Variants in GLO1 observed in about 807,000 individuals in gnomAD.
GLO1 encodes lactoylglutathione lyase.
Under a neutral mutation model 26.0 loss-of-function variants are expected in GLO1, and 28 were observed. That is an observed-to-expected ratio of 1.08 (90% CI 0.80 to 1.48). The LOEUF is 1.48. GLO1 is among the 40% of genes most tolerant of loss of function. The pLI is 0.00. For synonymous variants in GLO1, 78 were observed against 77.6 expected (o/e 1.00, Z -0.03); for missense variants, 225 against 224.8 (o/e 1.00, Z -0.01).
At chr6:38,693,658 GCT>G (rs71543936) in intron 1 of GLO1, among the ~76,000 whole-genome samples, 1,587 of 127,496 alleles carry the variant, frequency 0.012, 31 homozygotes, top group African/African-American at 0.037. Context: ...TTTTCATTCA[GCT>G]CTCTCTCTCT....
intron 3 of GLO1, 123 bp from the exon 4 acceptor site, chr6:38,682,998 T>C (rs1761405092): frequency 1.6e-6 from 1 of 621,346 alleles, no homozygotes; most frequent in Non-Finnish European, 2.9e-6. Flanking sequence ...TAACCCCTGC[T>C]ACAAAAATAT....
At chr6:38,681,987 T>C in intron 5 of GLO1, 25 bp downstream of exon 5, 1 of 1,169,072 alleles carries the variant, frequency 8.6e-7, no homozygotes. Flanking sequence ...AAGACAGGCC[T>C]GAACACAGTA....
At chr6:38,679,219 A>G (rs1761327660) in intron 5 of GLO1, among the ~76,000 whole-genome samples, 1 of 152,078 alleles carries the variant, frequency 6.6e-6, no homozygotes, top group South Asian at 2.1e-4. Flanking sequence ...TCCTGGGCCC[A>G]AGCAATCCTC....
chr6:38,700,993 G>A (rs1761689341), intron 1 of GLO1, among the ~76,000 whole-genome samples: 1 of 152,090 alleles, frequency 6.6e-6, no homozygotes, highest in Non-Finnish European at 1.5e-5. Flanking sequence ...TGGCCAGGCT[G>A]GTCTCGAACT....
Position 38,676,462 on chromosome 6 carries a change from A to G in GLO1, c.*833T>C, listed in dbSNP as rs1421204816. ...ATGGTCAAACTCACTGAAGGTTTTT[A>G]CAACAGGAAACCAGTGGAGGTATTG... On this transcript the variant is annotated 3_prime_UTR_variant, in exon 6 of 6. Coordinates refer to ENST00000373365, the MANE Select transcript of GLO1 (RefSeq NM_006708.3). 6.6e-6 allele frequency: 1 copy of G among 152,246 alleles called. No homozygotes were observed. The highest frequency in any genetic ancestry group is 2.4e-5 in the African/African-American group (1 of 41,460). The allele number at this position is 152,246 out of a possible 1,614,324, so 9.4% of individuals were successfully genotyped here.
chr6:38,692,981 T>A (rs1761553263), intron 1 of GLO1, among the ~76,000 whole-genome samples: 1 of 151,960 alleles, frequency 6.6e-6, no homozygotes, highest in Non-Finnish European at 1.5e-5. Flanking sequence ...GAGATATTGG[T>A]CTGTAGTTTT....
chr6:38,697,296 C>T (rs1003951606), intron 1 of GLO1, among the ~76,000 whole-genome samples: 1 of 152,180 alleles, frequency 6.6e-6, no homozygotes, highest in African/African-American at 2.4e-5. Context: ...CCAGTTTACT[C>T]AAAACGGTAT....
At chr6:38,679,948 T>C (rs532851596) in intron 5 of GLO1, among the ~76,000 whole-genome samples, 3 of 152,334 alleles carry the variant, frequency 2.0e-5, no homozygotes, top group South Asian at 2.1e-4. Context: ...CAGATACATT[T>C]GGGAGAAAAT....
At chr6:38,682,149 A>T in intron 4 of GLO1, 48 bp from the exon 5 acceptor site, 1 of 1,004,782 alleles carries the variant, frequency 1.0e-6, no homozygotes, top group Non-Finnish European at 1.6e-6. Flanking sequence ...AGAAATAATT[A>T]TAACAGGGTG....
chr6:38,699,833 G>A (rs1323564365), intron 1 of GLO1, among the ~76,000 whole-genome samples: 2 of 152,168 alleles, frequency 1.3e-5, no homozygotes, highest in African/African-American at 4.8e-5. Context: ...TACGTGCACT[G>A]CTGAACATAG....
chr6:38,700,593 G>A (rs555646945), intron 1 of GLO1, among the ~76,000 whole-genome samples: 2 of 152,128 alleles, frequency 1.3e-5, no homozygotes, highest in South Asian at 4.2e-4. Context: ...CTACCTCCCA[G>A]GGTGCTCTCA....
chr6:38,678,072 C>T (rs758622229), intron 5 of GLO1, among the ~76,000 whole-genome samples: 71 of 152,218 alleles, frequency 4.7e-4, no homozygotes, highest in Admixed American at 1.3e-3. Flanking sequence ...ATGCTTGGGT[C>T]ATACAAACCC....
At chr6:38,693,698 T>TAC in intron 1 of GLO1, among the ~76,000 whole-genome samples, 1 of 147,826 alleles carries the variant, frequency 6.8e-6, no homozygotes, top group Admixed American at 6.7e-5. Context: ...TATATATATA[T>TAC]ATATATATTT....
intron 5 of GLO1, among the ~76,000 whole-genome samples, chr6:38,677,680 G>T (rs1410841911): frequency 6.6e-6 from 1 of 152,104 alleles, no homozygotes; most frequent in Non-Finnish European, 1.5e-5. Flanking sequence ...CTCCCAAAGT[G>T]GTGGGATTAC....
intron 1 of GLO1, among the ~76,000 whole-genome samples, chr6:38,696,851 G>A (rs73414402): frequency 0.019 from 2,900 of 151,892 alleles, 99 homozygotes; most frequent in East Asian, 0.067. Context: ...ATTCCCTTTA[G>A]AGACTATCTA....
chr6:38,693,658 G>GCTCTCTCTCTCTCT (rs71543936), intron 1 of GLO1, among the ~76,000 whole-genome samples: 69 of 127,572 alleles, frequency 5.4e-4, no homozygotes, highest in African/African-American at 9.3e-4. Flanking sequence ...TTTTCATTCA[G>GCTCTCTCTCTCTCT]CTCTCTCTCT....
intron 1 of GLO1, among the ~76,000 whole-genome samples, chr6:38,701,742 C>T (rs1761703014): frequency 6.6e-6 from 1 of 152,084 alleles, no homozygotes. Flanking sequence ...TGACTCTTTG[C>T]CCTGAAGGTA....
intron 1 of GLO1, among the ~76,000 whole-genome samples, chr6:38,696,057 A>G (rs1426445823): frequency 6.6e-6 from 1 of 152,136 alleles, no homozygotes; most frequent in African/African-American, 2.4e-5. Context: ...TTTTAGTTGT[A>G]CTTAGCAGGA....
Position 38,682,846 on chromosome 6 carries a change from TG to T in GLO1, c.337del (p.Gln113ArgfsTer38). ...GTCTGAATTGCCATTGTGGTAACTC[TG>T]GGTCTCATCATCTTCAGTGCCCCAA... Reference protein sequence around the residue: ...HNWGTEDDETQSYHNGNSDPR... With the variant: ...HNWGTEDDETXSYHNGNSDPR... On this transcript the variant is annotated frameshift_variant, in exon 4 of 6. Transcript: ENST00000373365. LOFTEE classifies it high-confidence loss of function. The T allele has an allele frequency of 6.2e-7, 1 of 1,606,626 alleles. No homozygotes were observed. Among genetic ancestry groups the T allele is most frequent in the Non-Finnish European group, 8.5e-7 (1 of 1,173,144 alleles).
Sources: allele counts gnomAD v4.1 joint callset (sites outside exome capture counted in the v4.1 genomes callset), GRCh38; gene constraint gnomAD v4.1.1; transcripts MANE v1.5; gene names NCBI Gene and HGNC (gene_info 2026-07-23, HGNC 2026-07-21).